Variants in CDH18 observed in about 807,000 individuals in gnomAD.
CDH18 encodes the protein cadherin-18.
A neutral mutation model predicts 67.9 loss-of-function variants in CDH18; 31 were observed. The ratio of observed to expected loss-of-function variants is 0.46; its 90% CI spans 0.34 to 0.62. The LOEUF (loss-of-function observed/expected upper bound fraction) is 0.62, where lower values mean the gene tolerates loss of function less well. Among genes scored for constraint, CDH18 ranks in the 20% least tolerant of loss-of-function variants. The probability of loss-of-function intolerance (pLI) is 0.01; values close to 1 mark genes in which losing one functional copy is unlikely to be tolerated. For missense variants in CDH18, 890 were observed against 975.5 expected (o/e 0.91, Z 1.17); for synonymous variants, 362 against 347.2 (o/e 1.04, Z -0.48).
intron 2 of CDH18, among the ~76,000 whole-genome samples, chr5:20,074,124 T>C (rs1005329027): frequency 1.4e-4 from 22 of 152,122 alleles, no homozygotes; most frequent in African/African-American, 4.6e-4. Flanking sequence ...GCTATAAGTT[T>C]ATTAGGCTCT....
At chr5:20,062,422 G>A (rs80033575) in intron 2 of CDH18, among the ~76,000 whole-genome samples, 1,775 of 152,046 alleles carry the variant, frequency 0.012, 27 homozygotes, top group African/African-American at 0.041. Flanking sequence ...CCAAAGTGCT[G>A]GATGGAATCA....
chr5:20,164,381 G>A (rs1393273468), intron 2 of CDH18, among the ~76,000 whole-genome samples: 1 of 152,044 alleles, frequency 6.6e-6, no homozygotes, highest in Non-Finnish European at 1.5e-5. Context: ...CCACCTCCCA[G>A]GTTCAAGCGA....
intron 1 of CDH18, among the ~76,000 whole-genome samples, chr5:20,503,297 A>C (rs1754453638): frequency 6.6e-6 from 1 of 151,318 alleles, no homozygotes; most frequent in African/African-American, 2.4e-5. Flanking sequence ...AATTGATATT[A>C]TATAAGCGAA....
intron 7 of CDH18, among the ~76,000 whole-genome samples, chr5:19,586,688 T>C (rs529847674): frequency 5.4e-4 from 82 of 152,332 alleles, no homozygotes; most frequent in African/African-American, 1.9e-3. Context: ...TGTGTCTTTA[T>C]AACAGAATGA....
At chr5:20,292,503 G>A (rs1747177757) in intron 1 of CDH18, among the ~76,000 whole-genome samples, 1 of 152,142 alleles carries the variant, frequency 6.6e-6, no homozygotes, top group Non-Finnish European at 1.5e-5. Flanking sequence ...GGTTGGAGAT[G>A]CTGAGGAGGA....
chr5:20,477,347 A>G (rs1242500381), intron 1 of CDH18, among the ~76,000 whole-genome samples: 1 of 152,210 alleles, frequency 6.6e-6, no homozygotes, highest in East Asian at 1.9e-4. Context: ...AGGCAATAAC[A>G]GTACCTGGTT....
intron 2 of CDH18, among the ~76,000 whole-genome samples, chr5:20,100,587 T>C (rs1046160386): frequency 6.6e-6 from 1 of 152,240 alleles, no homozygotes; most frequent in African/African-American, 2.4e-5. Flanking sequence ...TTTTACATGC[T>C]ACATAATAAA....
At chr5:20,325,107 A>G (rs1738432799) in intron 1 of CDH18, among the ~76,000 whole-genome samples, 2 of 152,224 alleles carry the variant, frequency 1.3e-5, no homozygotes, top group African/African-American at 4.8e-5. Flanking sequence ...TAAGGTTTGT[A>G]AAGTTTCTAG....
At chr5:19,580,033 TAATGACAC>T (rs1433400377) in intron 7 of CDH18, among the ~76,000 whole-genome samples, 3 of 151,944 alleles carry the variant, frequency 2.0e-5, no homozygotes, top group African/African-American at 7.2e-5. Context: ...ATTTTATTTT[TAATGACAC>T]AATAATTATA....
At chr5:20,442,219 G>A (rs1252852261) in intron 1 of CDH18, among the ~76,000 whole-genome samples, 1 of 151,688 alleles carries the variant, frequency 6.6e-6, no homozygotes, top group Non-Finnish European at 1.5e-5. Flanking sequence ...CATCCTGGAG[G>A]GCAGTCTCAT....
At chr5:19,771,320 C>T (rs191173272) in intron 3 of CDH18, among the ~76,000 whole-genome samples, 1 of 152,138 alleles carries the variant, frequency 6.6e-6, no homozygotes, top group African/African-American at 2.4e-5. Flanking sequence ...ATGCTTACTC[C>T]CTCTTATCAT....
chr5:20,179,941 G>A (rs769151465), intron 2 of CDH18, among the ~76,000 whole-genome samples: 1 of 152,106 alleles, frequency 6.6e-6, no homozygotes, highest in Non-Finnish European at 1.5e-5. Context: ...TAGAAGCAAT[G>A]CTGGTGTACA....
chr5:19,708,751 T>A (rs1026451082), intron 5 of CDH18, among the ~76,000 whole-genome samples: 2 of 152,190 alleles, frequency 1.3e-5, no homozygotes, highest in Non-Finnish European at 2.9e-5. Context: ...TTAGTTAATC[T>A]ATAATCTATA....
At chr5:20,414,929 G>C (rs1412194901) in intron 1 of CDH18, among the ~76,000 whole-genome samples, 4 of 152,048 alleles carry the variant, frequency 2.6e-5, no homozygotes, top group African/African-American at 9.7e-5. Flanking sequence ...ACAGCATAGA[G>C]GTTTCTCAAA....
At chr5:19,619,679 G>A (rs1281175702) in intron 5 of CDH18, among the ~76,000 whole-genome samples, 1 of 152,138 alleles carries the variant, frequency 6.6e-6, no homozygotes, top group Non-Finnish European at 1.5e-5. Flanking sequence ...TGTTTCTCAA[G>A]TGGCTGAAAG....
intron 9 of CDH18, among the ~76,000 whole-genome samples, chr5:19,529,649 C>T (rs1223391074): frequency 4.0e-5 from 6 of 151,870 alleles, no homozygotes; most frequent in Non-Finnish European, 5.9e-5. Context: ...GATACAAGTT[C>T]GGTATTTACA....
chr5:19,558,271 G>A (rs551072464), intron 8 of CDH18, among the ~76,000 whole-genome samples: 49 of 151,312 alleles, frequency 3.2e-4, no homozygotes, highest in African/African-American at 1.2e-3. Context: ...CCAAACACAG[G>A]AGAAGAAAAT....
intron 2 of CDH18, among the ~76,000 whole-genome samples, chr5:20,095,427 G>GAAAGAAAGAAAGAAAGA (rs1237985707): frequency 8.1e-6 from 1 of 122,850 alleles, no homozygotes; most frequent in Non-Finnish European, 1.7e-5. Context: ...AAGAAAGAAA[G>GAAAGAAAGAAAGAAAGA]AAAGAAAGAA....
intron 11 of CDH18, among the ~76,000 whole-genome samples, chr5:19,494,189 G>T (rs1375125542): frequency 6.6e-6 from 1 of 151,970 alleles, no homozygotes; most frequent in Non-Finnish European, 1.5e-5. Flanking sequence ...CTTCACTCAG[G>T]ATAATTTCTT....
Sources: allele counts gnomAD v4.1 joint callset (sites outside exome capture counted in the v4.1 genomes callset), GRCh38; gene constraint gnomAD v4.1.1; transcripts MANE v1.5; gene names NCBI Gene and HGNC (gene_info 2026-07-23, HGNC 2026-07-21).